ST6GAL1: variants seen among roughly 807,000 people sequenced by gnomAD.
ST6GAL1 encodes the protein ST6 beta-galactoside alpha-2,6-sialyltransferase 1, also known as beta-galactoside alpha-2,6-sialyltransferase 1.
Under a neutral mutation model 38.0 loss-of-function variants are expected in ST6GAL1, and 20 were observed. The observed-to-expected ratio is 0.53, with a 90% CI of 0.37 to 0.77. The LOEUF is 0.77. Ranked by LOEUF, ST6GAL1 falls within the 30% of genes least tolerant of loss-of-function variation. ST6GAL1 has a pLI of 0.00. For synonymous variants in ST6GAL1, 196 were observed against 188.2 expected (o/e 1.04, Z -0.34); for missense variants, 432 against 496.4 (o/e 0.87, Z 1.23).
At chr3:186,937,590 T>TTATTTTAGAAGCTCA (rs1714007249) in intron 1 of ST6GAL1, among the ~76,000 whole-genome samples, 1 of 152,140 alleles carries the variant, frequency 6.6e-6, no homozygotes, top group South Asian at 2.1e-4. Context: ...TAAGAAGAGC[T>TTATTTTAGAAGCTCA]TAGTTTTTTA....
In ST6GAL1 at chr3:187,077,240, T is replaced by TTGCAGACA; in HGVS notation, c.*1441_*1448dup. On this transcript the variant is annotated 3_prime_UTR_variant, in exon 8 of 8. Coordinates refer to ENST00000169298, the MANE Select transcript of ST6GAL1 (RefSeq NM_173216.2). The stretch of plus-strand genomic sequence containing the variant: ...TGGGCAGAGGCTGGCCCACTGTAGT[T>TTGCAGACA]TGCAGACATGCTCTCCAGATGGTTT... The TTGCAGACA allele has an allele frequency of 2.9e-6, 1 of 350,670 alleles. No homozygotes were observed. Among genetic ancestry groups the TTGCAGACA allele is most frequent in the Admixed American group, 4.8e-5 (1 of 20,852 alleles). The allele number at this position is 350,670 out of a possible 1,614,324, so 21.7% of individuals were successfully genotyped here.
chr3:186,999,617 G>A (rs934680007), intron 2 of ST6GAL1, among the ~76,000 whole-genome samples: 2 of 151,862 alleles, frequency 1.3e-5, no homozygotes, highest in African/African-American at 4.8e-5. Context: ...CACCGTGTTA[G>A]CCAGGATGGT....
intron 5 of ST6GAL1, among the ~76,000 whole-genome samples, chr3:187,065,633 C>T (rs1466011262): frequency 6.6e-6 from 1 of 152,146 alleles, no homozygotes; most frequent in Non-Finnish European, 1.5e-5. Context: ...AGAGAGGAGA[C>T]AATGGGACAA....
intron 1 of ST6GAL1, among the ~76,000 whole-genome samples, chr3:186,961,349 A>G (rs867143679): frequency 3.3e-4 from 50 of 152,106 alleles, no homozygotes; most frequent in Non-Finnish European, 8.8e-5. Context: ...TCTAGGGTCT[A>G]CCACCAGCTG....
chr3:186,976,314 G>C (rs1239469177), intron 2 of ST6GAL1, among the ~76,000 whole-genome samples: 1 of 152,206 alleles, frequency 6.6e-6, no homozygotes, highest in Non-Finnish European at 1.5e-5. Flanking sequence ...GTTGAGGTCT[G>C]ATTTATAGCT....
At chr3:187,002,378 T>C (rs1033570938) in intron 2 of ST6GAL1, among the ~76,000 whole-genome samples, 20 of 152,238 alleles carry the variant, frequency 1.3e-4, no homozygotes, top group Admixed American at 4.6e-4. Flanking sequence ...AAACATATTC[T>C]TTAGGAAATG....
At position 186,990,438 on chromosome 3, in the gene ST6GAL1, G is replaced by C. The variant is rs111913066; in HGVS notation, c.-183+26512G>C. Reference sequence around the variant, plus strand: ...GAAACTGCCCAGCAGCACAGCACTAGCATGTGTTCATGTTCAGTCCATGGT... The same window carrying C: ...GAAACTGCCCAGCAGCACAGCACTACCATGTGTTCATGTTCAGTCCATGGT... On this transcript the variant is annotated intron_variant, in intron 2 of 7. Coordinates refer to ENST00000169298, the MANE Select transcript of ST6GAL1 (RefSeq NM_173216.2). Among the ~76,000 whole-genome samples the C allele has an allele frequency of 7.9e-5, 12 of 152,280 alleles. 1 individual carries two copies. Among genetic ancestry groups the C allele is most frequent in the African/African-American group, 2.4e-4 (10 of 41,556 alleles).
At chr3:187,046,543 A>AG (rs1718302279) in intron 4 of ST6GAL1, among the ~76,000 whole-genome samples, 1 of 81,422 alleles carries the variant, frequency 1.2e-5, no homozygotes, top group Admixed American at 1.3e-4. Context: ...AAAGAAAAGA[A>AG]CAGGGAAAAG....
At chr3:187,058,243 G>T (rs546591976) in intron 5 of ST6GAL1, among the ~76,000 whole-genome samples, 73 of 152,296 alleles carry the variant, frequency 4.8e-4, no homozygotes, top group African/African-American at 1.5e-3. Context: ...CTGACCCCTT[G>T]CGCTTCCTGG....
At chr3:187,019,906 C>G (rs59427408) in intron 2 of ST6GAL1, among the ~76,000 whole-genome samples, 58,007 of 152,028 alleles carry the variant, frequency 0.38, 11,141 homozygotes, top group Middle Eastern at 0.46. Flanking sequence ...TGATTAGCAA[C>G]TGTAGTTGGT....
chr3:187,056,625 TG>T (rs899401120), intron 5 of ST6GAL1, among the ~76,000 whole-genome samples: 1 of 152,236 alleles, frequency 6.6e-6, no homozygotes, highest in Non-Finnish European at 1.5e-5. Flanking sequence ...AGTTGAATCT[TG>T]GCCCCTACTC....
At chr3:186,993,605 T>C (rs1205269546) in intron 2 of ST6GAL1, among the ~76,000 whole-genome samples, 2 of 138,598 alleles carry the variant, frequency 1.4e-5, no homozygotes, top group African/African-American at 5.2e-5. Flanking sequence ...TATTTATTTA[T>C]ATGTTTTAGA....
At chr3:186,966,388 C>T (rs1333472903) in intron 2 of ST6GAL1, among the ~76,000 whole-genome samples, 1 of 152,200 alleles carries the variant, frequency 6.6e-6, no homozygotes, top group African/African-American at 2.4e-5. Context: ...AATTGGGTCT[C>T]ACAGAGGTAA....
At chr3:186,988,847 G>A (rs182429584) in intron 2 of ST6GAL1, among the ~76,000 whole-genome samples, 180 of 152,240 alleles carry the variant, frequency 1.2e-3, no homozygotes, top group African/African-American at 4.2e-3. Context: ...CCGAGAGGTG[G>A]AGGTTGCAGT....
At chr3:186,993,914 T>C (rs1012867598) in intron 2 of ST6GAL1, among the ~76,000 whole-genome samples, 1 of 152,130 alleles carries the variant, frequency 6.6e-6, no homozygotes, top group Non-Finnish European at 1.5e-5. Flanking sequence ...ATAATCATCA[T>C]CATAATAACA....
intron 5 of ST6GAL1, among the ~76,000 whole-genome samples, chr3:187,065,233 C>T (rs1719061874): frequency 6.6e-6 from 1 of 152,138 alleles, no homozygotes; most frequent in African/African-American, 2.4e-5. Flanking sequence ...CTCCTGACCT[C>T]AGGTGATCCA....
At chr3:187,041,627 G>A (rs948831477) in intron 3 of ST6GAL1, among the ~76,000 whole-genome samples, 1 of 152,186 alleles carries the variant, frequency 6.6e-6, no homozygotes, top group African/African-American at 2.4e-5. Flanking sequence ...GAAAGGACAT[G>A]GGTTATGGAA....
At chr3:186,984,940 G>T (rs1299230895) in intron 2 of ST6GAL1, among the ~76,000 whole-genome samples, 1 of 149,718 alleles carries the variant, frequency 6.7e-6, no homozygotes, top group African/African-American at 2.5e-5. Context: ...ATAGGGTCTC[G>T]CTCTGTCACC....
chr3:187,070,780 G>A (rs2108603121), intron 5 of ST6GAL1, among the ~76,000 whole-genome samples: 1 of 152,180 alleles, frequency 6.6e-6, no homozygotes, highest in Admixed American at 6.5e-5. Context: ...CACCATCACA[G>A]CGTGTTAACC....
Sources: gnomAD v4.1 joint callset for allele counts (sites outside exome capture counted in the v4.1 genomes callset) on GRCh38, gnomAD v4.1.1 for gene constraint, MANE v1.5 for transcripts, NCBI Gene and HGNC (gene_info 2026-07-23, HGNC 2026-07-21) for gene names.